MDGA2: variants seen among roughly 807,000 people sequenced by gnomAD.
The protein encoded by MDGA2 is MAM domain containing glycosylphosphatidylinositol anchor 2.
MDGA2 carries 40 observed loss-of-function variants against 117.8 expected under a neutral mutation model. The ratio of observed to expected loss-of-function variants is 0.34; its 90% confidence interval spans 0.26 to 0.44. The LOEUF (loss-of-function observed/expected upper bound fraction) is 0.44, where lower values mean the gene tolerates loss of function less well. MDGA2 is among the 20% of genes least tolerant of loss of function. The pLI is 1.00. For synonymous variants in MDGA2, 452 were observed against 439.0 expected (o/e 1.03, Z -0.37); for missense variants, 1,123 against 1,250.6 (o/e 0.90, Z 1.54).
At chr14:46,869,618 G>A (rs373426259) in intron 14 of MDGA2, among the ~76,000 whole-genome samples, 2 of 151,912 alleles carry the variant, frequency 1.3e-5, no homozygotes, top group East Asian at 3.9e-4. Flanking sequence ...ACTCAACCTA[G>A]GTCCTAGCAT....
chr14:47,081,700 G>A (rs934614541), intron 6 of MDGA2, among the ~76,000 whole-genome samples: 12 of 151,922 alleles, frequency 7.9e-5, no homozygotes, highest in Non-Finnish European at 1.2e-4. Flanking sequence ...AATTATCACC[G>A]GAAAAAGACA....
chr14:46,963,199 T>C (rs1431757706), intron 8 of MDGA2, among the ~76,000 whole-genome samples: 1 of 152,222 alleles, frequency 6.6e-6, no homozygotes, highest in Non-Finnish European at 1.5e-5. Context: ...TAATTATTTA[T>C]GATGATTCTA....
chr14:47,348,765 G>T (rs1890817007), intron 1 of MDGA2, among the ~76,000 whole-genome samples: 1 of 152,076 alleles, frequency 6.6e-6, no homozygotes, highest in Non-Finnish European at 1.5e-5. Context: ...TGTAGAAATT[G>T]GTGGCAAGAA....
chr14:47,674,126 C>G (rs1479998385), intron 1 of MDGA2, among the ~76,000 whole-genome samples: 6 of 130,844 alleles, frequency 4.6e-5, no homozygotes, highest in Non-Finnish European at 9.7e-5. Flanking sequence ...GGGAGACTCA[C>G]GGGGTCACAC....
intron 5 of MDGA2, among the ~76,000 whole-genome samples, chr14:47,114,955 C>CAAAAAAAA (rs35950492): frequency 7.9e-6 from 1 of 127,314 alleles, no homozygotes. Context: ...TCTGCACAGC[C>CAAAAAAAA]AAAAAAAAAA....
intron 2 of MDGA2, among the ~76,000 whole-genome samples, chr14:47,291,979 A>T (rs1218462694): frequency 3.3e-5 from 5 of 152,188 alleles, no homozygotes; most frequent in Admixed American, 2.0e-4. Context: ...CTCTTTCATG[A>T]TAAGAATTAA....
intron 1 of MDGA2, among the ~76,000 whole-genome samples, chr14:47,494,414 A>G (rs1044872152): frequency 6.6e-6 from 1 of 152,200 alleles, no homozygotes; most frequent in African/African-American, 2.4e-5. Flanking sequence ...ATTCCCTCAA[A>G]GCATGCAGAA....
chr14:47,223,247 C>G (rs1218955465), intron 2 of MDGA2, among the ~76,000 whole-genome samples: 1 of 152,092 alleles, frequency 6.6e-6, no homozygotes, highest in Non-Finnish European at 1.5e-5. Flanking sequence ...TGGGTGGGAA[C>G]ACAACCAAAC....
chr14:47,313,751 G>A (rs1195737430), intron 1 of MDGA2, among the ~76,000 whole-genome samples: 2 of 152,122 alleles, frequency 1.3e-5, no homozygotes, highest in Non-Finnish European at 2.9e-5. Context: ...CCCTAAAGCT[G>A]GAGTAAGTGT....
chr14:47,646,603 T>C (rs965304784), intron 1 of MDGA2, among the ~76,000 whole-genome samples: 3 of 152,202 alleles, frequency 2.0e-5, no homozygotes, highest in Non-Finnish European at 2.9e-5. Context: ...GGGATAACAG[T>C]AGTGCATTCT....
chr14:47,356,173 C>G (rs942704232), intron 1 of MDGA2, among the ~76,000 whole-genome samples: 1 of 152,180 alleles, frequency 6.6e-6, no homozygotes, highest in Non-Finnish European at 1.5e-5. Flanking sequence ...GAGGACCCCT[C>G]CCCAGCACAC....
chr14:47,031,425 AC>A (rs1451271964), intron 8 of MDGA2, among the ~76,000 whole-genome samples: 37 of 152,236 alleles, frequency 2.4e-4, no homozygotes, highest in African/African-American at 8.9e-4. Flanking sequence ...CACCTCTTTT[AC>A]ATTCTTTTAT....
At chr14:46,967,501 T>A (rs1595076138) in intron 8 of MDGA2, among the ~76,000 whole-genome samples, 1 of 152,210 alleles carries the variant, frequency 6.6e-6, no homozygotes, top group East Asian at 1.9e-4. Flanking sequence ...TTAAGAAGAG[T>A]TGAATTGCTA....
At chr14:46,906,917 T>C (rs1210597862) in intron 10 of MDGA2, among the ~76,000 whole-genome samples, 2 of 151,816 alleles carry the variant, frequency 1.3e-5, no homozygotes, top group Non-Finnish European at 2.9e-5. Flanking sequence ...TAATTACCAA[T>C]TGACTGCCAT....
intron 1 of MDGA2, among the ~76,000 whole-genome samples, chr14:47,437,603 TA>T (rs1892924273): frequency 1.3e-5 from 2 of 152,096 alleles, no homozygotes. Flanking sequence ...TCAAATGAAG[TA>T]CAGAGTAGAG....
At chr14:47,207,790 C>A (rs1227149872) in intron 3 of MDGA2, among the ~76,000 whole-genome samples, 2 of 151,938 alleles carry the variant, frequency 1.3e-5, no homozygotes, top group Non-Finnish European at 1.5e-5. Context: ...CTCAAGAGAT[C>A]ATGAATAAAA....
At chr14:47,224,283 T>TGATATAGATATAGATATAGATATA (rs3039434) in intron 2 of MDGA2, among the ~76,000 whole-genome samples, 23,767 of 133,894 alleles carry the variant, frequency 0.18, 2,571 homozygotes, top group Admixed American at 0.3. Flanking sequence ...CAATAGAGTC[T>TGATATAGATATAGATATAGATATA]GATATAGATA....
intron 14 of MDGA2, among the ~76,000 whole-genome samples, chr14:46,862,288 T>C (rs766300670): frequency 6.6e-6 from 1 of 151,740 alleles, no homozygotes; most frequent in Non-Finnish European, 1.5e-5. Flanking sequence ...CTCTTATGTT[T>C]AAAGACTACA....
chr14:46,958,641 G>A (rs1185131687), intron 8 of MDGA2, among the ~76,000 whole-genome samples: 1 of 152,222 alleles, frequency 6.6e-6, no homozygotes, highest in African/African-American at 2.4e-5. Flanking sequence ...TGTCAGTCAT[G>A]AAGACAGTGA....
Sources: allele counts gnomAD v4.1 joint callset (sites outside exome capture counted in the v4.1 genomes callset), GRCh38; gene constraint gnomAD v4.1.1; transcripts MANE v1.5; gene names NCBI Gene and HGNC (gene_info 2026-07-23, HGNC 2026-07-21).